ZNF385B: variants seen among roughly 807,000 people sequenced by gnomAD.
ZNF385B encodes the protein zinc finger protein 533.
Under a neutral mutation model 39.2 loss-of-function variants are expected in ZNF385B, and 23 were observed. The observed-to-expected ratio is 0.59, with a 90% CI of 0.42 to 0.83. ZNF385B has a LOEUF of 0.83. ZNF385B is among the 40% of genes least tolerant of loss of function. The probability of loss-of-function intolerance (pLI) is 0.00; values close to 1 mark genes in which losing one functional copy is unlikely to be tolerated. For missense variants in ZNF385B, 552 were observed against 598.9 expected (o/e 0.92, Z 0.82); for synonymous variants, 205 against 222.6 (o/e 0.92, Z 0.70).
chr2:179,564,392 AC>A (rs1247087407), intron 3 of ZNF385B, among the ~76,000 whole-genome samples: 2 of 152,148 alleles, frequency 1.3e-5, no homozygotes, highest in Non-Finnish European at 2.9e-5. Context: ...CAAAGGAGGC[AC>A]CAGGCATCTC....
At chr2:179,443,653 C>A (rs751991282) in intron 9 of ZNF385B, among the ~76,000 whole-genome samples, 185 bp from the exon 10 acceptor site, 1 of 152,190 alleles carries the variant, frequency 6.6e-6, no homozygotes, top group Non-Finnish European at 1.5e-5. Context: ...GCATAGCTTT[C>A]TTTTATTTGG....
At chr2:179,607,511 C>T in intron 3 of ZNF385B, among the ~76,000 whole-genome samples, 1 of 152,148 alleles carries the variant, frequency 6.6e-6, no homozygotes. Flanking sequence ...AACTGTGAGT[C>T]AATTAAACCT....
chr2:179,603,457 C>T (rs977895216), intron 3 of ZNF385B, among the ~76,000 whole-genome samples: 5 of 152,126 alleles, frequency 3.3e-5, no homozygotes, highest in Non-Finnish European at 7.4e-5. Context: ...GTTTCAGAAT[C>T]TCATTTTTCA....
chr2:179,689,201 CT>C (rs1698157467), intron 3 of ZNF385B, among the ~76,000 whole-genome samples: 1 of 152,160 alleles, frequency 6.6e-6, no homozygotes, highest in Non-Finnish European at 1.5e-5. Context: ...ACCTTTAGGA[CT>C]CTAACACTCT....
At chr2:179,752,447 C>T (rs1268213959) in intron 3 of ZNF385B, among the ~76,000 whole-genome samples, 2 of 152,190 alleles carry the variant, frequency 1.3e-5, no homozygotes, top group African/African-American at 2.4e-5. Context: ...TGGGTATATA[C>T]CCAGTAATGG....
chr2:179,474,430 A>G (rs1184264561), intron 6 of ZNF385B, among the ~76,000 whole-genome samples: 1 of 152,196 alleles, frequency 6.6e-6, no homozygotes, highest in Non-Finnish European at 1.5e-5. Context: ...ACTTAACATT[A>G]CTTTTAATGG....
intron 3 of ZNF385B, among the ~76,000 whole-genome samples, chr2:179,606,133 C>T (rs1688780878): frequency 6.6e-6 from 1 of 152,060 alleles, no homozygotes; most frequent in Admixed American, 6.6e-5. Flanking sequence ...TTAACATTTA[C>T]ACAAAATTAA....
chr2:179,797,390 C>T (rs539666435), intron 1 of ZNF385B, among the ~76,000 whole-genome samples: 93 of 152,176 alleles, frequency 6.1e-4, no homozygotes, highest in Non-Finnish European at 9.1e-4. Context: ...TACATAACCA[C>T]ACAATATGTC....
chr2:179,456,944 A>G (rs1304453868), intron 6 of ZNF385B, among the ~76,000 whole-genome samples: 1 of 152,146 alleles, frequency 6.6e-6, no homozygotes, highest in African/African-American at 2.4e-5. Context: ...TATAAAATAT[A>G]TAAATTTAAT....
intron 3 of ZNF385B, 81 bp from the exon 4 acceptor site, chr2:179,545,050 C>T (rs1559448858): frequency 6.4e-7 from 1 of 1,570,978 alleles, no homozygotes; most frequent in Non-Finnish European, 8.7e-7. Context: ...AAGAACAAGT[C>T]TGTTGAGCTG....
At chr2:179,602,154 C>T (rs575300480) in intron 3 of ZNF385B, among the ~76,000 whole-genome samples, 1 of 152,266 alleles carries the variant, frequency 6.6e-6, no homozygotes, top group African/African-American at 2.4e-5. Context: ...GAACTGTCCA[C>T]TAAGAAAAGG....
chr2:179,502,552 G>A (rs755377989), intron 5 of ZNF385B, among the ~76,000 whole-genome samples: 10 of 152,124 alleles, frequency 6.6e-5, no homozygotes, highest in Non-Finnish European at 1.3e-4. Context: ...TGCCATCCAT[G>A]TGAAGACGTG....
intron 1 of ZNF385B, among the ~76,000 whole-genome samples, chr2:179,826,897 C>T (rs999065329): frequency 6.6e-6 from 1 of 152,168 alleles, no homozygotes; most frequent in Non-Finnish European, 1.5e-5. Flanking sequence ...CAATTCAAAA[C>T]TTCAAATCTT....
chr2:179,536,388 C>T (rs1403878313), intron 4 of ZNF385B: 2 of 152,156 alleles, frequency 1.3e-5, no homozygotes, highest in African/African-American at 4.8e-5. Context: ...CTGATGTCCC[C>T]TCCAAGTACA....
intron 3 of ZNF385B, among the ~76,000 whole-genome samples, chr2:179,694,379 A>G (rs936408491): frequency 3.4e-5 from 5 of 146,276 alleles, no homozygotes; most frequent in African/African-American, 7.6e-5. Flanking sequence ...CTGCGAATTT[A>G]TATCACTAAA....
chr2:179,736,370 C>G (rs1701756447), intron 3 of ZNF385B, among the ~76,000 whole-genome samples: 1 of 151,958 alleles, frequency 6.6e-6, no homozygotes, highest in Non-Finnish European at 1.5e-5. Context: ...CTTGACAAAT[C>G]AAAGCACAAA....
chr2:179,742,758 A>T (rs562456202), intron 3 of ZNF385B, among the ~76,000 whole-genome samples: 1 of 152,212 alleles, frequency 6.6e-6, no homozygotes, highest in South Asian at 2.1e-4. Context: ...CAATCAGGAA[A>T]GCCAAATTTG....
At chr2:179,769,846 C>A (rs796965034) in intron 2 of ZNF385B, 44 bp from the exon 3 acceptor site, 94 of 1,502,004 alleles carry the variant, frequency 6.3e-5, no homozygotes, top group Non-Finnish European at 7.6e-5. Flanking sequence ...ATGATATATG[C>A]CTTATTTTCT....
At chr2:179,715,695 A>AT (rs35928036) in intron 3 of ZNF385B, among the ~76,000 whole-genome samples, 29,371 of 151,954 alleles carry the variant, frequency 0.19, 3,053 homozygotes, top group Admixed American at 0.3. Flanking sequence ...TTACTTTATA[A>AT]GGGTAAATTA....
Sources: allele counts gnomAD v4.1 joint callset (sites outside exome capture counted in the v4.1 genomes callset), GRCh38; gene constraint gnomAD v4.1.1; transcripts MANE v1.5; gene names NCBI Gene and HGNC (gene_info 2026-07-23, HGNC 2026-07-21).